GALNTL6: variants seen among roughly 807,000 people sequenced by gnomAD.
The protein encoded by GALNTL6 is polypeptide N-acetylgalactosaminyltransferase like 6, also known as polypeptide N-acetylgalactosaminyltransferase-like 6.
GALNTL6 carries 46 observed loss-of-function variants against 73.7 expected under a neutral mutation model. That is an observed-to-expected ratio of 0.62 (90% CI 0.49 to 0.80). GALNTL6 has a LOEUF of 0.80. Ranked by LOEUF, GALNTL6 falls within the 30% of genes least tolerant of loss-of-function variation. GALNTL6 has a pLI of 0.00. For synonymous variants in GALNTL6, 259 were observed against 263.7 expected (o/e 0.98, Z 0.17); for missense variants, 604 against 755.0 (o/e 0.80, Z 2.34).
At chr4:172,649,153 T>C (rs1013393667) in intron 5 of GALNTL6, among the ~76,000 whole-genome samples, 27 of 152,208 alleles carry the variant, frequency 1.8e-4, no homozygotes, top group Admixed American at 3.3e-4. Flanking sequence ...TTCAAATCCA[T>C]ATGACTTTTT....
intron 2 of GALNTL6, among the ~76,000 whole-genome samples, chr4:172,159,239 A>G (rs1734378863): frequency 6.6e-6 from 1 of 152,134 alleles, no homozygotes; most frequent in Non-Finnish European, 1.5e-5. Flanking sequence ...TTCACTGAAC[A>G]ACTGGTACAA....
At chr4:172,299,670 G>A (rs1739833227) in intron 3 of GALNTL6, among the ~76,000 whole-genome samples, 1 of 152,170 alleles carries the variant, frequency 6.6e-6, no homozygotes, top group Admixed American at 6.5e-5. Context: ...CCATGTAGTT[G>A]AGCAGTTTTG....
At chr4:172,629,786 A>G (rs913566633) in intron 5 of GALNTL6, among the ~76,000 whole-genome samples, 1 of 152,206 alleles carries the variant, frequency 6.6e-6, no homozygotes, top group Non-Finnish European at 1.5e-5. Flanking sequence ...ATTAAATAAA[A>G]TCCTGTGCAC....
chr4:172,297,395 A>G (rs905071778), intron 3 of GALNTL6, among the ~76,000 whole-genome samples: 5 of 151,970 alleles, frequency 3.3e-5, no homozygotes, highest in African/African-American at 9.7e-5. Flanking sequence ...TTTTGTTGCC[A>G]TTGCTTTTGG....
intron 5 of GALNTL6, among the ~76,000 whole-genome samples, chr4:172,716,377 G>A (rs1188129749): frequency 1.3e-5 from 2 of 152,160 alleles, no homozygotes; most frequent in African/African-American, 2.4e-5. Context: ...AAATCAACTA[G>A]GTCACAGAGT....
Position 172,583,150 on chromosome 4 carries a change from A to ACT in GALNTL6, c.554-226210_554-226209insTC, listed in dbSNP as rs1422824709. On this transcript the variant is annotated intron_variant, in intron 5 of 12. Transcript: ENST00000506823. ...CCCCAATTCACACATACACACACAC[A>ACT]CAAACACACTCACACACATTCACAC... 9.9e-5 allele frequency among the ~76,000 whole-genome samples: 15 copies of ACT among 152,140 alleles called. 1 individual carries two copies. The East Asian group carries it at 2.9e-3, about 29-fold the overall frequency.
intron 8 of GALNTL6, among the ~76,000 whole-genome samples, chr4:172,897,414 G>T (rs764191600): frequency 1.1e-4 from 16 of 152,222 alleles, no homozygotes; most frequent in Non-Finnish European, 2.1e-4. Flanking sequence ...TAGGACCTCA[G>T]CTGAGAGAGG....
At chr4:172,124,750 CTTAAAT>C (rs1158218757) in intron 2 of GALNTL6, among the ~76,000 whole-genome samples, 2 of 152,054 alleles carry the variant, frequency 1.3e-5, no homozygotes, top group Non-Finnish European at 2.9e-5. Flanking sequence ...AAACCTAGTA[CTTAAAT>C]TTAATCAGAT....
intron 4 of GALNTL6, among the ~76,000 whole-genome samples, chr4:172,339,177 T>A (rs1361073703): frequency 6.6e-6 from 1 of 151,806 alleles, no homozygotes. Context: ...GAGATATGCC[T>A]GGGCATGGAG....
Position 172,761,968 on chromosome 4 carries a change from T to C in GALNTL6, c.554-47393T>C, listed in dbSNP as rs1738133549. ...CCTGATCAAACCAGCTAGTATACAG[T>C]GCAAAGTGACAAATCTTTAAATACA... On this transcript the variant is annotated intron_variant, in intron 5 of 12. Coordinates refer to ENST00000506823, the MANE Select transcript of GALNTL6 (RefSeq NM_001034845.3). Among the ~76,000 whole-genome samples the C allele has an allele frequency of 3.9e-5, 6 of 152,210 alleles. No individual in the cohort carries two copies. The South Asian group carries it at 1.2e-3, about 32-fold the overall frequency.
intron 2 of GALNTL6, among the ~76,000 whole-genome samples, chr4:172,122,526 G>A (rs1424802349): frequency 6.6e-6 from 1 of 152,164 alleles, no homozygotes; most frequent in East Asian, 1.9e-4. Flanking sequence ...CTTCAGTACA[G>A]ACCAGTTCCC....
chr4:172,183,060 T>C (rs1475715515), intron 2 of GALNTL6, among the ~76,000 whole-genome samples: 2 of 152,200 alleles, frequency 1.3e-5, no homozygotes, highest in Admixed American at 1.3e-4. Context: ...ACCTAATTCT[T>C]TGAGTCCCAT....
chr4:172,347,452 G>A (rs533629291), intron 4 of GALNTL6, among the ~76,000 whole-genome samples: 28 of 152,334 alleles, frequency 1.8e-4, no homozygotes, highest in African/African-American at 6.5e-4. Context: ...GTTCTCACAA[G>A]TAGGTGCAAC....
intron 5 of GALNTL6, among the ~76,000 whole-genome samples, chr4:172,767,105 C>A (rs1358588836): frequency 2.0e-5 from 3 of 152,164 alleles, no homozygotes; most frequent in African/African-American, 7.2e-5. Context: ...AAGAATATTG[C>A]ATGAGAATGG....
At chr4:172,743,739 G>T (rs987292401) in intron 5 of GALNTL6, among the ~76,000 whole-genome samples, 2 of 152,052 alleles carry the variant, frequency 1.3e-5, no homozygotes, top group African/African-American at 4.8e-5. Flanking sequence ...TATGAGAAAA[G>T]AAATGGCTTC....
At chr4:172,669,055 C>T (rs775049270) in intron 5 of GALNTL6, 4 of 152,064 alleles carry the variant, frequency 2.6e-5, no homozygotes, top group Non-Finnish European at 5.9e-5. Context: ...GATATTGGAA[C>T]ATTAAAATGA....
intron 2 of GALNTL6, among the ~76,000 whole-genome samples, chr4:171,841,047 AC>A (rs1735226995): frequency 6.6e-6 from 1 of 152,156 alleles, no homozygotes; most frequent in Non-Finnish European, 1.5e-5. Context: ...AACCTCCGGT[AC>A]TTGTACCAAG....
chr4:172,564,502 T>G (rs1736488630), intron 5 of GALNTL6, among the ~76,000 whole-genome samples: 1 of 152,214 alleles, frequency 6.6e-6, no homozygotes, highest in Admixed American at 6.5e-5. Context: ...TAAGGATATT[T>G]AAAATAAGCA....
intron 10 of GALNTL6, among the ~76,000 whole-genome samples, chr4:173,002,674 G>A (rs76873109): frequency 2.7e-5 from 4 of 147,914 alleles, no homozygotes; most frequent in Non-Finnish European, 6.0e-5. Context: ...GCACACCTGT[G>A]GTCCCAGCTA....
Sources: gnomAD v4.1 joint callset for allele counts (sites outside exome capture counted in the v4.1 genomes callset) on GRCh38, gnomAD v4.1.1 for gene constraint, MANE v1.5 for transcripts, NCBI Gene and HGNC (gene_info 2026-07-23, HGNC 2026-07-21) for gene names.